GPAM: variants seen among roughly 807,000 people sequenced by gnomAD.
The protein encoded by GPAM is glycerol-3-phosphate acyltransferase 1, mitochondrial.
A neutral mutation model predicts 105.0 loss-of-function variants in GPAM; 56 were observed. That is an observed-to-expected ratio of 0.53 (90% CI 0.43 to 0.67). The LOEUF (loss-of-function observed/expected upper bound fraction) is 0.67, where lower values mean the gene tolerates loss of function less well. Ranked by LOEUF, GPAM falls within the 30% of genes least tolerant of loss-of-function variation. The probability of loss-of-function intolerance (pLI) is 0.00; values close to 1 mark genes in which losing one functional copy is unlikely to be tolerated. For synonymous variants in GPAM, 368 were observed against 354.4 expected (o/e 1.04, Z -0.43); for missense variants, 855 against 989.8 (o/e 0.86, Z 1.83).
At chr10:112,204,099 C>T (rs1415100826) in intron 1 of GPAM, among the ~76,000 whole-genome samples, 3 of 152,130 alleles carry the variant, frequency 2.0e-5, no homozygotes, top group Non-Finnish European at 2.9e-5. Flanking sequence ...ACTAAGAACC[C>T]GTGCCTAATC....
chr10:112,224,815 T>C, the GPAM span, among the ~76,000 whole-genome samples: 1 of 152,084 alleles, frequency 6.6e-6, no homozygotes, highest in Non-Finnish European at 1.5e-5. Context: ...AACCACCCCT[T>C]TTGGAATCAG....
At position 112,152,049 on chromosome 10, in the gene GPAM, T is replaced by A; in HGVS notation, c.*1501A>T. Reference sequence around the variant, plus strand: ...ATACAATGTGAAATATCAATCAGCATCCCTCCCTCTCCCAAAACACACATT... The same window carrying A: ...ATACAATGTGAAATATCAATCAGCAACCCTCCCTCTCCCAAAACACACATT... On this transcript the variant is annotated 3_prime_UTR_variant, in exon 22 of 22. Coordinates refer to ENST00000348367, the MANE Select transcript of GPAM (RefSeq NM_001244949.2). 1 of 977,352 alleles carries A rather than the reference T, an allele frequency of 1.0e-6. No homozygotes were observed. Among genetic ancestry groups the A allele is most frequent in the East Asian group, 1.1e-4 (1 of 8,770 alleles). 60.5% of individuals were successfully genotyped at this position (977,352 alleles called of 1,614,324 possible). A position where few individuals can be genotyped will look rare whatever the true frequency, so the allele number is the denominator to read the frequency against.
chr10:112,165,180 G>A (rs1282951950), intron 12 of GPAM, among the ~76,000 whole-genome samples: 1 of 152,072 alleles, frequency 6.6e-6, no homozygotes, highest in African/African-American at 2.4e-5. Flanking sequence ...AAGGAGAGGC[G>A]GGACCTTCTG....
At chr10:112,201,046 C>T (rs1847791338) in intron 1 of GPAM, among the ~76,000 whole-genome samples, 1 of 152,132 alleles carries the variant, frequency 6.6e-6, no homozygotes, top group African/African-American at 2.4e-5. Flanking sequence ...TTTGAGATTA[C>T]ATTAACTGAT....
At position 112,181,754 on chromosome 10, in the gene GPAM, T is replaced by C. The variant is rs376686363; in HGVS notation, c.31A>G (p.Ile11Val). The C allele has an allele frequency of 1.0e-4, 167 of 1,608,844 alleles. 1 individual carries two copies. In the Middle Eastern group the frequency reaches 8.1e-3, roughly 78 times the overall value. ...GAATGTGGCAGATAAGAAACATCTA[T>C]TGTACCAAGGGTCAGTGCAGATTCA... is the stretch of plus-strand genomic sequence containing the variant. MDESALTLGT[I>V]DVSYLPHSSE... is the part of the protein sequence containing the mutation. Residue 11 changes from isoleucine (I) to valine (V), a missense_variant, in exon 3 of 22, where the codon ATA (isoleucine) becomes GTA (valine). Physicochemically the swap from Ile to Val is conservative, Grantham distance 29. Coordinates refer to ENST00000348367, the MANE Select transcript of GPAM (RefSeq NM_001244949.2).
chr10:112,180,793 G>C (rs1847495021), intron 3 of GPAM, among the ~76,000 whole-genome samples, 198 bp from the exon 4 acceptor site: 1 of 152,144 alleles, frequency 6.6e-6, no homozygotes, highest in Non-Finnish European at 1.5e-5. Context: ...CCCAAGGATA[G>C]TAATAGCTAC....
intron 1 of GPAM, among the ~76,000 whole-genome samples, chr10:112,213,237 T>C (rs1251833147): frequency 6.6e-6 from 1 of 152,138 alleles, no homozygotes; most frequent in Non-Finnish European, 1.5e-5. Context: ...CATGATGACA[T>C]AGATGTAAAG....
rs759658812 is a variant in GPAM, at chr10:112,181,713, A to C, written c.72T>G (p.Val24=). 1 of 1,607,548 alleles carries C rather than the reference A, an allele frequency of 6.2e-7. No homozygotes were observed. The highest frequency in any genetic ancestry group is 8.5e-7 in the Non-Finnish European group (1 of 1,174,164). The change falls in exon 3 of 22, where the codon GTT becomes GTG. Residue 24 remains valine, a synonymous_variant. Transcript: ENST00000348367. ...CCTCACTTGTGTGCTTACATCGACC[A>C]ACACTGTATTCTGATGAATGTGGCA... is the stretch of plus-strand genomic sequence containing the variant. ...SYLPHSSEYS[V]GRCKHTSEEW...
At chr10:112,186,386 C>T (rs542677408), upstream of GPAM, among the ~76,000 whole-genome samples, 20 of 151,398 alleles carry the variant, frequency 1.3e-4, no homozygotes, top group Admixed American at 8.5e-4. Context: ...CCAGCAGGAC[C>T]GTTCTATAAG....
chr10:112,168,994 TA>T lies in GPAM; in HGVS notation c.795-43del, dbSNP rs750592169. 9 of 1,220,284 alleles carry T rather than the reference TA, an allele frequency of 7.4e-6. No homozygotes were observed. The South Asian group carries it at 8.4e-5, about 11-fold the overall frequency. 75.6% of individuals were successfully genotyped at this position (1,220,284 alleles called of 1,614,324 possible). ...CATGAATTATTTACAAAGAAAAATG[TA>T]AAAAGAATACTCACATTCCAAGTTA... is the stretch of plus-strand genomic sequence containing the variant. On this transcript the variant is annotated intron_variant, in intron 9 of 21. Coordinates refer to ENST00000348367, the MANE Select transcript of GPAM (RefSeq NM_001244949.2).
intron 1 of GPAM, among the ~76,000 whole-genome samples, chr10:112,202,952 C>A (rs558115558): frequency 1.3e-5 from 2 of 152,142 alleles, no homozygotes; most frequent in Non-Finnish European, 2.9e-5. Flanking sequence ...ACTCGCCATC[C>A]CTTGGGTCTA....
intron 1 of GPAM, among the ~76,000 whole-genome samples, chr10:112,207,926 G>C (rs900159169): frequency 2.0e-5 from 3 of 152,224 alleles, no homozygotes; most frequent in African/African-American, 7.2e-5. Flanking sequence ...GTCCTAGCAT[G>C]ACCTGCTTAT....
chr10:112,208,948 T>C (rs917070073), intron 1 of GPAM, among the ~76,000 whole-genome samples: 4 of 152,180 alleles, frequency 2.6e-5, no homozygotes, highest in Non-Finnish European at 5.9e-5. Context: ...CCATGAATGC[T>C]AAACAACCAC....
At chr10:112,170,064 T>C (rs542054674) in intron 9 of GPAM, among the ~76,000 whole-genome samples, 3 of 152,272 alleles carry the variant, frequency 2.0e-5, no homozygotes, top group South Asian at 4.2e-4. Flanking sequence ...AAAGTAATAA[T>C]AATAGAAATA....
the GPAM span, among the ~76,000 whole-genome samples, chr10:112,221,522 T>C: frequency 1.3e-5 from 2 of 152,212 alleles, no homozygotes; most frequent in African/African-American, 2.4e-5. Context: ...CAAGTAATTA[T>C]GATGCCCACT....
At chr10:112,226,647 C>A in the GPAM span, among the ~76,000 whole-genome samples, 1 of 152,150 alleles carries the variant, frequency 6.6e-6, no homozygotes, top group Non-Finnish European at 1.5e-5. Context: ...TATTGGTGAT[C>A]AAACAGAGAA....
upstream of GPAM, among the ~76,000 whole-genome samples, chr10:112,216,200 T>A (rs770954090): frequency 6.6e-6 from 1 of 152,210 alleles, no homozygotes; most frequent in Non-Finnish European, 1.5e-5. Context: ...TAGAGCTCAA[T>A]ATTTAAAGGA....
At chr10:112,199,599 T>A (rs1260431018) in intron 1 of GPAM, among the ~76,000 whole-genome samples, 1 of 152,208 alleles carries the variant, frequency 6.6e-6, no homozygotes, top group African/African-American at 2.4e-5. Flanking sequence ...CTCGATTTAA[T>A]CATTCCACAA....
chr10:112,160,309 A>T, intron 16 of GPAM: 1 of 814,746 alleles, frequency 1.2e-6, no homozygotes, highest in Non-Finnish European at 1.5e-6. Context: ...GAGGCCCTCC[A>T]CTCACTTTGC....
Sources: gnomAD v4.1 joint callset for allele counts (sites outside exome capture counted in the v4.1 genomes callset) on GRCh38, gnomAD v4.1.1 for gene constraint, MANE v1.5 for transcripts, NCBI Gene and HGNC (gene_info 2026-07-23, HGNC 2026-07-21) for gene names.